KCNIP1: variants seen among roughly 807,000 people sequenced by gnomAD.
The protein encoded by KCNIP1 is potassium voltage-gated channel interacting protein 1.
A neutral mutation model predicts 33.0 loss-of-function variants in KCNIP1; 18 were observed. That is an observed-to-expected ratio of 0.55 (90% confidence interval 0.38 to 0.81). The LOEUF (loss-of-function observed/expected upper bound fraction) is 0.81. Among genes scored for constraint, KCNIP1 ranks in the 30% least tolerant of loss-of-function variants. KCNIP1 has a pLI of 0.00. For synonymous variants in KCNIP1, 93 were observed against 98.3 expected (o/e 0.95, Z 0.32); for missense variants, 238 against 271.6 (o/e 0.88, Z 0.87).
rs1412619579 is a variant in KCNIP1 at position 170,724,248 on chromosome 5, G to A, written c.435+1428G>A. ...CAAAAAAATTTTAGAAAATAGAGGAGGATGGAACATTTCCCAGCTTGTTTT... is the reference window on the plus strand; with the variant it reads ...CAAAAAAATTTTAGAAAATAGAGGAAGATGGAACATTTCCCAGCTTGTTTT... On this transcript the variant is annotated intron_variant, in intron 5 of 7. Coordinates refer to ENST00000328939, the MANE Select transcript of KCNIP1 (RefSeq NM_014592.4). Among the ~76,000 whole-genome samples, 3 of 152,068 alleles carry A rather than the reference G, an allele frequency of 2.0e-5. No homozygotes were observed. In the East Asian group the frequency reaches 5.8e-4, roughly 29 times the overall value.
At chr5:170,472,359 C>T (rs1400820838) in intron 1 of KCNIP1, among the ~76,000 whole-genome samples, 1 of 152,196 alleles carries the variant, frequency 6.6e-6, no homozygotes. Flanking sequence ...TCCTGTAGGT[C>T]CGCCCGCCTG....
At chr5:170,505,996 C>A (rs576066119) in intron 1 of KCNIP1, among the ~76,000 whole-genome samples, 1 of 152,202 alleles carries the variant, frequency 6.6e-6, no homozygotes, top group Non-Finnish European at 1.5e-5. Context: ...ACATTCTAAG[C>A]CTCACCTCTC....
intron 1 of KCNIP1, among the ~76,000 whole-genome samples, chr5:170,606,023 C>G (rs1347251738): frequency 6.6e-6 from 1 of 152,190 alleles, no homozygotes; most frequent in East Asian, 1.9e-4. Flanking sequence ...GATCTGCCCA[C>G]CTCGGCCTCT....
intron 1 of KCNIP1, among the ~76,000 whole-genome samples, chr5:170,621,447 G>A (rs750132548): frequency 6.6e-6 from 1 of 152,172 alleles, no homozygotes; most frequent in African/African-American, 2.4e-5. Context: ...AGATCTGTGA[G>A]CACCCCAGCA....
rs11739136 is a variant in KCNIP1, at chr5:170,383,792, C to T, written c.88+29828C>T. 0.096 allele frequency: 155,371 copies of T among 1,613,934 alleles called. 8,040 individuals are homozygous for T. Among genetic ancestry groups the T allele is most frequent in the Admixed American group, 0.14 (8,590 of 59,984 alleles). On this transcript the variant is annotated intron_variant, in intron 1 of 7. Transcript: ENST00000377360. Reference sequence around the variant, plus strand: ...TGGGGCACCTTCTTGCCCTTCAGCTCCTCCTGGTCCCTGATGTTGGTCTCA... The same window carrying T: ...TGGGGCACCTTCTTGCCCTTCAGCTTCTCCTGGTCCCTGATGTTGGTCTCA...
chr5:170,454,139 C>A (rs778652566), intron 1 of KCNIP1, among the ~76,000 whole-genome samples: 3 of 152,212 alleles, frequency 2.0e-5, no homozygotes, highest in Non-Finnish European at 4.4e-5. Context: ...GGAAAGCAAG[C>A]TTTATTCCTA....
intron 1 of KCNIP1, among the ~76,000 whole-genome samples, chr5:170,426,487 A>ATAAATCCT (rs1249844649): frequency 6.6e-6 from 1 of 152,202 alleles, no homozygotes; most frequent in Non-Finnish European, 1.5e-5. Flanking sequence ...AGTCACAGGG[A>ATAAATCCT]TAAATCCTAG....
chr5:170,704,715 C>T (rs916015321), intron 1 of KCNIP1, among the ~76,000 whole-genome samples: 1 of 152,136 alleles, frequency 6.6e-6, no homozygotes, highest in Non-Finnish European at 1.5e-5. Context: ...CCCTGGGGCC[C>T]CTCCAGGTCC....
chr5:170,407,762 G>A (rs1339188333), intron 1 of KCNIP1, among the ~76,000 whole-genome samples: 2 of 152,236 alleles, frequency 1.3e-5, no homozygotes, highest in Non-Finnish European at 2.9e-5. Context: ...CAGAACAAGT[G>A]CCCAATCTGA....
chr5:170,373,973 T>G (rs1005807361), intron 1 of KCNIP1, among the ~76,000 whole-genome samples: 1 of 152,156 alleles, frequency 6.6e-6, no homozygotes, highest in African/African-American at 2.4e-5. Context: ...TACAGGAAGG[T>G]GGCACTTTGC....
chr5:170,410,206 C>T (rs1646470714), intron 1 of KCNIP1, among the ~76,000 whole-genome samples: 1 of 152,212 alleles, frequency 6.6e-6, no homozygotes, highest in African/African-American at 2.4e-5. Flanking sequence ...CTCCTGGGTC[C>T]CCCACTCAGG....
intron 1 of KCNIP1, among the ~76,000 whole-genome samples, chr5:170,687,384 A>G (rs560740823): frequency 3.3e-5 from 5 of 152,132 alleles, no homozygotes; most frequent in African/African-American, 1.2e-4. Flanking sequence ...GTTTCATCAT[A>G]CTGGCCAGGC....
At chr5:170,356,699 C>G (rs983924613) in intron 1 of KCNIP1, among the ~76,000 whole-genome samples, 7 of 152,176 alleles carry the variant, frequency 4.6e-5, no homozygotes, top group Non-Finnish European at 8.8e-5. Context: ...TTTTTGCTCA[C>G]CACTGTGGCC....
At chr5:170,559,454 A>G (rs1756958343) in intron 1 of KCNIP1, among the ~76,000 whole-genome samples, 1 of 152,062 alleles carries the variant, frequency 6.6e-6, no homozygotes, top group African/African-American at 2.4e-5. Context: ...TCTATCTACT[A>G]CTTGGGATGG....
intron 1 of KCNIP1, among the ~76,000 whole-genome samples, chr5:170,494,377 T>G (rs1013963147): frequency 3.3e-5 from 5 of 152,138 alleles, no homozygotes; most frequent in African/African-American, 1.2e-4. Context: ...AGAACTCGGC[T>G]TGAAGGACTG....
intron 5 of KCNIP1, among the ~76,000 whole-genome samples, chr5:170,726,803 A>G (rs893863285): frequency 6.6e-6 from 1 of 151,188 alleles, no homozygotes; most frequent in African/African-American, 2.4e-5. Flanking sequence ...CCCAGCTACT[A>G]GGGAGGCTGA....
chr5:170,504,271 G>A lies in KCNIP1; in HGVS notation c.-302G>A, dbSNP rs1345935541. ...TGGCCCCGTGTCCAGTGCCAGGCAG[G>A]CTTCAGGGCACCGTCCTCGGCCCTG... On this transcript the variant is annotated 5_prime_UTR_variant, in exon 1 of 8. Transcript: ENST00000328939. This position sits in a 1 kb window ranked among gnomAD's most constrained non-coding sequence, Gnocchi z 6.0. The A allele has an allele frequency of 2.5e-6, 3 of 1,205,054 alleles. No homozygotes were observed. The highest frequency in any genetic ancestry group is 2.8e-5 in the South Asian group (1 of 36,206). The allele number at this position is 1,205,054 out of a possible 1,614,324, so 74.6% of individuals were successfully genotyped here.
intron 1 of KCNIP1, among the ~76,000 whole-genome samples, chr5:170,630,846 G>T (rs962248120): frequency 1.3e-5 from 2 of 152,156 alleles, no homozygotes; most frequent in African/African-American, 4.8e-5. Flanking sequence ...TATCTTCCAG[G>T]TCCAGAAACT....
chr5:170,684,232 A>T (rs759112148), intron 1 of KCNIP1, among the ~76,000 whole-genome samples: 1 of 152,180 alleles, frequency 6.6e-6, no homozygotes, highest in Non-Finnish European at 1.5e-5. Context: ...TGATAGTTGT[A>T]TTAATTTCTG....
Sources: allele counts gnomAD v4.1 joint callset (sites outside exome capture counted in the v4.1 genomes callset), GRCh38; gene constraint gnomAD v4.1.1; non-coding constraint Gnocchi (gnomAD v3.1); transcripts MANE v1.5; gene names NCBI Gene and HGNC (gene_info 2026-07-23, HGNC 2026-07-21).